ZNF106: variants seen among roughly 807,000 people sequenced by gnomAD.
ZNF106 encodes the protein zinc finger protein 106, also known as SH3-domain binding protein 3.
ZNF106 carries 67 observed loss-of-function variants against 195.1 expected under a neutral mutation model. The observed-to-expected ratio is 0.34, with a 90% CI of 0.28 to 0.42. The LOEUF (loss-of-function observed/expected upper bound fraction) is 0.42, where lower values mean the gene tolerates loss of function less well. Ranked by LOEUF, ZNF106 falls within the 10% of genes least tolerant of loss-of-function variation. The probability of loss-of-function intolerance (pLI) is 1.00; values close to 1 mark genes in which losing one functional copy is unlikely to be tolerated. For missense variants in ZNF106, 2,118 were observed against 2,304.5 expected, an observed-to-expected ratio of 0.92 and a Z score of 1.66; for synonymous variants, 784 against 818.6, an observed-to-expected ratio of 0.96 and a Z score of 0.72.
At chr15:42,462,777 T>C (rs986685157) in intron 3 of ZNF106, among the ~76,000 whole-genome samples, 9 of 151,832 alleles carry the variant, frequency 5.9e-5, no homozygotes, top group African/African-American at 1.9e-4. Flanking sequence ...TAAACACGAG[T>C]CTTATGTGAC....
chr15:42,447,849 T>C (rs1377001073), intron 6 of ZNF106, among the ~76,000 whole-genome samples: 3 of 152,218 alleles, frequency 2.0e-5, no homozygotes, highest in Non-Finnish European at 4.4e-5. Context: ...AGATATGACT[T>C]CATATTTTCC....
At chr15:42,489,912 G>A (rs1479408205) in intron 1 of ZNF106, among the ~76,000 whole-genome samples, 1 of 152,012 alleles carries the variant, frequency 6.6e-6, no homozygotes, top group Non-Finnish European at 1.5e-5. Flanking sequence ...GGTGGTGCAC[G>A]CCTGCAATCC....
At chr15:42,427,698 T>G (rs897014057) in intron 15 of ZNF106, 11 of 205,228 alleles carry the variant, frequency 5.4e-5, no homozygotes, top group Non-Finnish European at 1.1e-4. Flanking sequence ...AAGTGAGCAC[T>G]TAAGTTCATT....
intron 14 of ZNF106, among the ~76,000 whole-genome samples, chr15:42,430,418 CCTCCTGG>C (rs2055008484): frequency 6.6e-6 from 1 of 151,992 alleles, no homozygotes; most frequent in Non-Finnish European, 1.5e-5. Flanking sequence ...TCTCGCTCTG[CCTCCTGG>C]CTAGAGTGCA....
chr15:42,489,128 G>GAAC (rs2057081640), intron 1 of ZNF106, among the ~76,000 whole-genome samples: 1 of 148,142 alleles, frequency 6.8e-6, no homozygotes, highest in African/African-American at 2.5e-5. Flanking sequence ...AATAGGTTCT[G>GAAC]AACTAGCCTG....
chr15:42,466,355 T>A (rs914685577), intron 2 of ZNF106, among the ~76,000 whole-genome samples: 6 of 152,172 alleles, frequency 3.9e-5, no homozygotes, highest in Admixed American at 2.0e-4. Flanking sequence ...TCCAAAAAGA[T>A]TAGAAAGTAT....
At chr15:42,476,684 G>A (rs992503287) in intron 1 of ZNF106, among the ~76,000 whole-genome samples, 5 of 151,778 alleles carry the variant, frequency 3.3e-5, no homozygotes, top group Non-Finnish European at 7.4e-5. Context: ...CATCATAAAG[G>A]TCTTCATCCT....
intron 14 of ZNF106, among the ~76,000 whole-genome samples, chr15:42,431,291 A>G (rs931728905): frequency 2.6e-5 from 4 of 151,514 alleles, no homozygotes; most frequent in African/African-American, 4.9e-5. Context: ...TAAATGTTCT[A>G]TGTGCACATT....
rs1440490650 is a variant in ZNF106 at position 42,439,137 on chromosome 15, C to G, written c.4440G>C (p.Trp1480Cys). The G allele has an allele frequency of 6.2e-7, 1 of 1,613,962 alleles. No homozygotes were observed. The highest frequency in any genetic ancestry group is 1.3e-5 in the African/African-American group (1 of 74,894). Residue 1480 changes from tryptophan (W) to cysteine (C), a missense_variant, in exon 11 of 22, where the codon TGG (tryptophan) becomes TGC (cysteine). Coordinates refer to ENST00000564754, the MANE Select transcript of ZNF106 (RefSeq NM_001366845.3). Reference protein sequence around the residue: ...KPDSPSKKDIWNSTEQNPLET... With the variant: ...KPDSPSKKDICNSTEQNPLET... ...CTAGTGGGTTTTGCTCTGTAGAGTTCCAAATATCCTTTTTAGATGGGCTGT... is the reference window on the plus strand; with the variant it reads ...CTAGTGGGTTTTGCTCTGTAGAGTTGCAAATATCCTTTTTAGATGGGCTGT...
At chr15:42,424,237 G>A (rs1243017672) in intron 16 of ZNF106, 177 bp from the exon 17 acceptor site, 5 of 572,724 alleles carry the variant, frequency 8.7e-6, no homozygotes, top group Non-Finnish European at 1.6e-5. Flanking sequence ...CCCCTACCAA[G>A]CATGCTAATG....
intron 1 of ZNF106, among the ~76,000 whole-genome samples, chr15:42,488,644 T>A (rs571909732): frequency 1.3e-5 from 2 of 152,230 alleles, no homozygotes; most frequent in African/African-American, 2.4e-5. Flanking sequence ...GAGCCATTCC[T>A]GGTCCCAGAA....
chr15:42,475,885 T>C (rs1452823436), intron 1 of ZNF106, among the ~76,000 whole-genome samples: 1 of 152,180 alleles, frequency 6.6e-6, no homozygotes, highest in Non-Finnish European at 1.5e-5. Context: ...TGTGACTCTC[T>C]GGTAGAAATT....
Position 42,486,966 on chromosome 15 carries a change from T to C in ZNF106, c.-33+4014A>G, listed in dbSNP as rs547518065. Among the ~76,000 whole-genome samples, 76 of 151,540 alleles carry C rather than the reference T, an allele frequency of 5.0e-4. No individual in the cohort carries two copies. The South Asian group carries it at 0.015, about 31-fold the overall frequency. On this transcript the variant is annotated intron_variant, in intron 1 of 21. Coordinates refer to ENST00000564754, the MANE Select transcript of ZNF106 (RefSeq NM_001366845.3). The stretch of plus-strand genomic sequence containing the variant: ...GCATTTGAGACCAGCCTGGCCAACA[T>C]AGTGAAACCCCATCTCTACTAAAAA...
chr15:42,449,271 A>C (rs1345656778), intron 5 of ZNF106, among the ~76,000 whole-genome samples: 3 of 152,224 alleles, frequency 2.0e-5, no homozygotes, highest in Non-Finnish European at 4.4e-5. Context: ...TGAAGAGCCA[A>C]AATATTACAC....
chr15:42,460,120 C>T (rs972734567), intron 3 of ZNF106, among the ~76,000 whole-genome samples: 4 of 151,952 alleles, frequency 2.6e-5, no homozygotes, highest in African/African-American at 4.8e-5. Flanking sequence ...ACTTTTCTAC[C>T]TAAAAGCTCA....
intron 9 of ZNF106, among the ~76,000 whole-genome samples, chr15:42,443,547 C>G (rs2055635823): frequency 6.6e-6 from 1 of 151,622 alleles, no homozygotes; most frequent in Non-Finnish European, 1.5e-5. Context: ...CAATTTAAAT[C>G]ATAATTTTAT....
intron 1 of ZNF106, among the ~76,000 whole-genome samples, chr15:42,478,592 G>A (rs541669254): frequency 1.1e-4 from 15 of 140,772 alleles, no homozygotes; most frequent in African/African-American, 3.5e-4. Flanking sequence ...CTCAGCTCAC[G>A]GCAACCTCCG....
At chr15:42,445,833 T>C (rs2055750745) in intron 7 of ZNF106, among the ~76,000 whole-genome samples, 1 of 152,200 alleles carries the variant, frequency 6.6e-6, no homozygotes, top group African/African-American at 2.4e-5. Flanking sequence ...ATACTAGAAC[T>C]GGGTTAGAGT....
chr15:42,438,883 G>T, intron 11 of ZNF106, 150 bp downstream of exon 11: 3 of 966,854 alleles, frequency 3.1e-6, no homozygotes, highest in Non-Finnish European at 4.5e-6. Context: ...AATCTCTACT[G>T]CTGAGCTTTA....
Sources: allele counts gnomAD v4.1 joint callset (sites outside exome capture counted in the v4.1 genomes callset), GRCh38; gene constraint gnomAD v4.1.1; transcripts MANE v1.5; gene names NCBI Gene and HGNC (gene_info 2026-07-23, HGNC 2026-07-21).